CLASP2: variants seen among roughly 807,000 people sequenced by gnomAD.
CLASP2 encodes CLIP-associating protein 2.
In CLASP2, 47 loss-of-function variants were observed where a neutral mutation model predicts 194.4. That is an observed-to-expected ratio of 0.24 (90% CI 0.19 to 0.31). The LOEUF is 0.31. CLASP2 is among the 10% of genes least tolerant of loss of function. CLASP2 has a pLI of 1.00. For missense variants in CLASP2, 1,445 were observed against 1,823.6 expected (o/e 0.79, Z 3.78); for synonymous variants, 619 against 633.5 (o/e 0.98, Z 0.34).
At chr3:33,685,342 CAAA>C (rs56240569) in intron 5 of CLASP2, among the ~76,000 whole-genome samples, 3 of 48,140 alleles carry the variant, frequency 6.2e-5, no homozygotes, top group Non-Finnish European at 1.2e-4. Context: ...AACTCCGTCT[CAAA>C]AAAAAAAAAA....
intron 34 of CLASP2, among the ~76,000 whole-genome samples, chr3:33,532,846 G>A (rs1276871552): frequency 1.3e-5 from 2 of 152,102 alleles, no homozygotes; most frequent in Non-Finnish European, 2.9e-5. Flanking sequence ...TGGGACTACT[G>A]GCACTGGCTA....
In CLASP2 at chr3:33,584,917, C is replaced by G; in HGVS notation, c.2072G>C (p.Gly691Ala). Residue 691 changes from glycine to alanine, a missense_variant, in exon 22 of 39, where the codon GGT (glycine) becomes GCT (alanine). Physicochemically the swap from Gly to Ala is moderately conservative, Grantham distance 60. Coordinates refer to ENST00000682230, the MANE Select transcript of CLASP2 (RefSeq NM_001365631.1). ...RTKMVSQSQP[G>A]SRSGSPGRVL... ...TCTTCCTGGAGACCCAGACCGGCTA[C>G]CAGCTGAACACCAAACACATATACA... 1 of 1,609,630 alleles carries G rather than the reference C, an allele frequency of 6.2e-7. No homozygotes were observed. The highest frequency in any genetic ancestry group is 8.5e-7 in the Non-Finnish European group (1 of 1,178,388).
chr3:33,656,409 A>G (rs896018096), intron 7 of CLASP2, among the ~76,000 whole-genome samples: 3 of 152,206 alleles, frequency 2.0e-5, no homozygotes, highest in African/African-American at 7.2e-5. Flanking sequence ...AAGGTGATCA[A>G]TCTTATCAGA....
rs1559732058 is a variant in CLASP2, at chr3:33,717,897, C to A, written c.106G>T (p.Gly36Cys). The change falls in exon 1 of 39, where the codon GGC (glycine) becomes TGC (cysteine). Residue 36 changes from glycine (G) to cysteine (C), a missense_variant. Coordinates refer to ENST00000682230, the MANE Select transcript of CLASP2 (RefSeq NM_001365631.1). ...QELLLYLGAP[G>C]AISDLEEDLG... ...TCCTCCTCCAGGTCCGAGATGGCGC[C>A]GGGGGCGCCAAGGTAGAGCAGGAGC... The A allele has an allele frequency of 2.6e-6, 4 of 1,556,046 alleles. No individual in the cohort carries two copies. In the Admixed American group the frequency reaches 7.8e-5, roughly 30 times the overall value.
At chr3:33,605,408 AATT>A (rs1468547049) in intron 16 of CLASP2, among the ~76,000 whole-genome samples, 3 of 152,208 alleles carry the variant, frequency 2.0e-5, no homozygotes, top group African/African-American at 7.2e-5. Context: ...TTCCTACAAC[AATT>A]ATTTTTGAAA....
intron 9 of CLASP2, among the ~76,000 whole-genome samples, chr3:33,631,525 G>A (rs146117053): frequency 1.1e-4 from 16 of 152,026 alleles, no homozygotes; most frequent in South Asian, 4.2e-4. Context: ...GTGAAACCCC[G>A]TCTCTACTAA....
chr3:33,529,984 CAAAAAAAAAAAAA>C (rs1169927619), intron 34 of CLASP2, among the ~76,000 whole-genome samples: 5 of 32,244 alleles, frequency 1.6e-4, no homozygotes, highest in Non-Finnish European at 2.3e-4. Flanking sequence ...GACTCCGTCT[CAAAAAAAAAAAAA>C]AAAAAAAAAA....
chr3:33,588,677 T>C (rs1402657093), intron 21 of CLASP2: 5 of 701,604 alleles, frequency 7.1e-6, no homozygotes, highest in Middle Eastern at 2.3e-4. Flanking sequence ...AAACAACAGA[T>C]GCACACATAA....
chr3:33,656,789 A>T (rs548738123), intron 7 of CLASP2, among the ~76,000 whole-genome samples: 2 of 142,472 alleles, frequency 1.4e-5, no homozygotes, highest in African/African-American at 5.2e-5. Context: ...CAACCGTTTT[A>T]AAAAATGATG....
intron 7 of CLASP2, among the ~76,000 whole-genome samples, chr3:33,647,513 G>C (rs1354879855): frequency 6.6e-6 from 1 of 152,114 alleles, no homozygotes; most frequent in Non-Finnish European, 1.5e-5. Flanking sequence ...TTTCTATAAA[G>C]GACCACACAG....
chr3:33,600,388 T>A (rs2071742449), intron 18 of CLASP2, among the ~76,000 whole-genome samples: 1 of 152,212 alleles, frequency 6.6e-6, no homozygotes, highest in African/African-American at 2.4e-5. Context: ...AAAGATGACT[T>A]CTGTTCCTAG....
At chr3:33,643,349 C>T (rs1249718650) in intron 8 of CLASP2, among the ~76,000 whole-genome samples, 2 of 151,688 alleles carry the variant, frequency 1.3e-5, no homozygotes, top group Non-Finnish European at 3.0e-5. Context: ...GAAAAAGATT[C>T]CCCTTGTAAT....
At chr3:33,700,545 T>G (rs1314221072) in intron 1 of CLASP2, among the ~76,000 whole-genome samples, 2 of 151,340 alleles carry the variant, frequency 1.3e-5, no homozygotes, top group Non-Finnish European at 2.9e-5. Flanking sequence ...AAAAGGTCAC[T>G]ATAAAAAAAT....
intron 24 of CLASP2, chr3:33,574,564 TG>T: frequency 1.1e-6 from 1 of 898,846 alleles, no homozygotes. Flanking sequence ...ATCAGCACAG[TG>T]AAATAGGCAT....
At chr3:33,574,464 T>C in intron 24 of CLASP2, 1 of 1,475,806 alleles carries the variant, frequency 6.8e-7, no homozygotes, top group Middle Eastern at 1.7e-4. Context: ...AAAATAGCAA[T>C]GTCTATACCT....
intron 2 of CLASP2, among the ~76,000 whole-genome samples, chr3:33,691,368 T>C (rs985569388): frequency 7.2e-5 from 11 of 152,128 alleles, no homozygotes; most frequent in Admixed American, 1.3e-4. Context: ...CTATTATCTA[T>C]AATGTAATAA....
intron 10 of CLASP2, among the ~76,000 whole-genome samples, chr3:33,622,973 T>TACTAAA (rs1316746074): frequency 1.3e-5 from 2 of 152,080 alleles, no homozygotes; most frequent in East Asian, 3.9e-4. Context: ...CGTGCCTGGA[T>TACTAAA]AATTTTTGTA....
At chr3:33,699,101 T>C (rs1244130736) in intron 1 of CLASP2, among the ~76,000 whole-genome samples, 2 of 152,110 alleles carry the variant, frequency 1.3e-5, no homozygotes, top group Non-Finnish European at 2.9e-5. Context: ...ATGCCTTTGA[T>C]GGGTTCATCA....
intron 6 of CLASP2, among the ~76,000 whole-genome samples, chr3:33,664,774 A>G (rs2085894439): frequency 6.6e-6 from 1 of 152,156 alleles, no homozygotes; most frequent in South Asian, 2.1e-4. Flanking sequence ...TGGACATAAG[A>G]TAGAAGGAAG....
Sources: allele counts gnomAD v4.1 joint callset (sites outside exome capture counted in the v4.1 genomes callset), GRCh38; gene constraint gnomAD v4.1.1; transcripts MANE v1.5; gene names NCBI Gene and HGNC (gene_info 2026-07-23, HGNC 2026-07-21).